Variants in PTPRO observed in about 807,000 individuals in gnomAD.
The protein encoded by PTPRO is protein tyrosine phosphatase receptor type O.
Under a neutral mutation model 145.2 loss-of-function variants are expected in PTPRO, and 62 were observed. The ratio of observed to expected loss-of-function variants is 0.43; its 90% confidence interval spans 0.35 to 0.53. The LOEUF (loss-of-function observed/expected upper bound fraction) is 0.53, where lower values mean the gene tolerates loss of function less well. PTPRO is among the 20% of genes least tolerant of loss of function. The pLI is 0.01. For missense variants in PTPRO, 1,345 were observed against 1,482.7 expected, an observed-to-expected ratio of 0.91 and a Z score of 1.53; for synonymous variants, 565 against 514.7, an observed-to-expected ratio of 1.10 and a Z score of -1.32.
chr12:15,526,942 A>C (rs1346291620), intron 12 of PTPRO, among the ~76,000 whole-genome samples: 2 of 152,194 alleles, frequency 1.3e-5, no homozygotes, highest in Non-Finnish European at 2.9e-5. Flanking sequence ...GCATAGATAC[A>C]GGTAGATACT....
At chr12:15,393,549 A>G (rs1014927049) in intron 1 of PTPRO, among the ~76,000 whole-genome samples, 2 of 152,028 alleles carry the variant, frequency 1.3e-5, no homozygotes, top group Non-Finnish European at 2.9e-5. Flanking sequence ...ATTCAGTATC[A>G]TGTCAGGTCA....
chr12:15,513,554 T>C (rs897722514), intron 7 of PTPRO, among the ~76,000 whole-genome samples: 1 of 152,226 alleles, frequency 6.6e-6, no homozygotes, highest in Admixed American at 6.5e-5. Flanking sequence ...GATTACATAA[T>C]TTCTACTGTG....
intron 14 of PTPRO, among the ~76,000 whole-genome samples, chr12:15,550,239 C>T (rs1943419160): frequency 6.6e-6 from 1 of 151,884 alleles, no homozygotes; most frequent in African/African-American, 2.4e-5. Flanking sequence ...ATAAAGTAAG[C>T]TAGAGAAAAG....
At chr12:15,527,875 A>AACC (rs1942873389) in intron 12 of PTPRO, among the ~76,000 whole-genome samples, 3 of 137,640 alleles carry the variant, frequency 2.2e-5, no homozygotes, top group African/African-American at 8.5e-5. Context: ...GGGAACTGTG[A>AACC]CCCGCCCACG....
At chr12:15,382,376 T>C (rs1422800758) in intron 1 of PTPRO, among the ~76,000 whole-genome samples, 1 of 152,146 alleles carries the variant, frequency 6.6e-6, no homozygotes, top group Non-Finnish European at 1.5e-5. Flanking sequence ...GGACATTAAC[T>C]TCCCCACACT....
At chr12:15,591,208 A>C (rs936751046) in intron 25 of PTPRO, among the ~76,000 whole-genome samples, 1 of 151,980 alleles carries the variant, frequency 6.6e-6, no homozygotes, top group African/African-American at 2.4e-5. Flanking sequence ...GTTTCTACTA[A>C]AAATATTAAA....
At chr12:15,401,452 C>G (rs1249898834) in intron 1 of PTPRO, among the ~76,000 whole-genome samples, 1 of 152,168 alleles carries the variant, frequency 6.6e-6, no homozygotes, top group East Asian at 1.9e-4. Context: ...GATAAAAGCC[C>G]TACCTCTTTG....
At chr12:15,493,329 G>T (rs1254664174) in intron 2 of PTPRO, among the ~76,000 whole-genome samples, 1 of 151,986 alleles carries the variant, frequency 6.6e-6, no homozygotes, top group Admixed American at 6.6e-5. Flanking sequence ...AACACCTATA[G>T]CTCTGAGTTA....
intron 17 of PTPRO, among the ~76,000 whole-genome samples, chr12:15,563,034 T>C (rs1371561458): frequency 6.6e-6 from 1 of 152,182 alleles, no homozygotes; most frequent in African/African-American, 2.4e-5. Flanking sequence ...ATAAATCTCA[T>C]GTCCTTGCTA....
At chr12:15,592,599 C>G (rs371699983) in intron 25 of PTPRO, among the ~76,000 whole-genome samples, 13 of 152,178 alleles carry the variant, frequency 8.5e-5, no homozygotes, top group Non-Finnish European at 1.8e-4. Flanking sequence ...GACTTCTTCA[C>G]GCAAGTAGAG....
At chr12:15,397,315 C>T (rs1939367788) in intron 1 of PTPRO, among the ~76,000 whole-genome samples, 1 of 152,158 alleles carries the variant, frequency 6.6e-6, no homozygotes, top group Non-Finnish European at 1.5e-5. Flanking sequence ...GTGAAATATG[C>T]TTTCACATAT....
At chr12:15,391,352 T>C (rs1406602879) in intron 1 of PTPRO, among the ~76,000 whole-genome samples, 1 of 152,200 alleles carries the variant, frequency 6.6e-6, no homozygotes, top group Non-Finnish European at 1.5e-5. Context: ...ATATTTATAA[T>C]CTCCCTTCTT....
chr12:15,432,964 T>C (rs529977173), intron 1 of PTPRO, among the ~76,000 whole-genome samples: 7 of 152,302 alleles, frequency 4.6e-5, no homozygotes, highest in African/African-American at 1.7e-4. Flanking sequence ...TTTACTCTGT[T>C]GATAGTTTTC....
intron 1 of PTPRO, among the ~76,000 whole-genome samples, chr12:15,345,607 G>T (rs1026338558): frequency 1.3e-5 from 2 of 152,022 alleles, no homozygotes; most frequent in East Asian, 1.9e-4. Context: ...GGGGCCTGTC[G>T]GGGGGTGGGG....
chr12:15,511,359 G>A (rs1392060002), intron 7 of PTPRO, among the ~76,000 whole-genome samples: 1 of 152,202 alleles, frequency 6.6e-6, no homozygotes, highest in African/African-American at 2.4e-5. Context: ...TGTAAATATA[G>A]GTTAGCAGCT....
intron 19 of PTPRO, 130 bp downstream of exon 19, chr12:15,569,628 A>T (rs1943992072): frequency 5.1e-6 from 4 of 787,686 alleles, no homozygotes; most frequent in Non-Finnish European, 6.3e-6. Flanking sequence ...GGGATTGCTG[A>T]TCTGCTGGTT....
At chr12:15,514,678 GCTTTA>G (rs1199580180) in intron 7 of PTPRO, among the ~76,000 whole-genome samples, 2 of 151,648 alleles carry the variant, frequency 1.3e-5, no homozygotes, top group African/African-American at 2.4e-5. Flanking sequence ...CCATTCTCTG[GCTTTA>G]CTTTATTTAT....
chr12:15,371,005 A>T (rs968219387), intron 1 of PTPRO, among the ~76,000 whole-genome samples: 1 of 152,336 alleles, frequency 6.6e-6, no homozygotes. Flanking sequence ...TGTATTGCTA[A>T]ACAAAAAAAA....
intron 1 of PTPRO, among the ~76,000 whole-genome samples, chr12:15,385,811 C>CAAAAAA (rs761750012): frequency 3.3e-3 from 121 of 36,544 alleles, no homozygotes; most frequent in Non-Finnish European, 4.3e-3. Context: ...GACTCCATCT[C>CAAAAAA]AAAAAAAAAA....
Sources: allele counts gnomAD v4.1 joint callset (sites outside exome capture counted in the v4.1 genomes callset), GRCh38; gene constraint gnomAD v4.1.1; transcripts MANE v1.5; gene names NCBI Gene and HGNC (gene_info 2026-07-23, HGNC 2026-07-21).